The following HNRNPH3 variants were observed in gnomAD, a reference collection of about 807,000 sequenced individuals.
HNRNPH3 encodes heterogeneous nuclear ribonucleoprotein H3, also known as heterogeneous nuclear ribonucleoprotein 2H9.
In HNRNPH3, 7 loss-of-function variants were observed where a neutral mutation model predicts 47.0. That is an observed-to-expected ratio of 0.15 (90% CI 0.08 to 0.28). The LOEUF (loss-of-function observed/expected upper bound fraction) is 0.28, where lower values mean the gene tolerates loss of function less well. HNRNPH3 is among the 10% of genes least tolerant of loss of function. HNRNPH3 has a pLI of 1.00. For synonymous variants in HNRNPH3, 120 were observed against 143.2 expected (o/e 0.84, Z 1.16); for missense variants, 279 against 449.6 (o/e 0.62, Z 3.43).
upstream of HNRNPH3, chr10:68,331,873 T>C (rs995753295): frequency 6.6e-6 from 1 of 152,298 alleles, no homozygotes; most frequent in Non-Finnish European, 1.5e-5. Flanking sequence ...TGCAGCTCTT[T>C]AACTGGAACA....
chr10:68,340,121 A>G (rs542775508), intron 6 of HNRNPH3, among the ~76,000 whole-genome samples: 6 of 151,362 alleles, frequency 4.0e-5, no homozygotes, highest in South Asian at 2.1e-4. Context: ...TGCAACCTCC[A>G]CCTCCCGGGT....
chr10:68,341,460 G>C lies in HNRNPH3; in HGVS notation c.776-125G>C. Reference sequence around the variant, plus strand: ...CTTTCTGTGGGCTTTATATATCGCTGTACTAGTAATTAATAAGCATACTTT... The same window carrying C: ...CTTTCTGTGGGCTTTATATATCGCTCTACTAGTAATTAATAAGCATACTTT... On this transcript the variant is annotated intron_variant, in intron 7 of 9. Transcript: ENST00000265866. The C allele has an allele frequency of 4.0e-6, 4 of 992,222 alleles. No homozygotes were observed. The South Asian group carries it at 6.0e-5, about 15-fold the overall frequency. 61.5% of individuals were successfully genotyped at this position (992,222 alleles called of 1,614,324 possible).
In HNRNPH3 at chr10:68,337,742, GC is replaced by G; in HGVS notation, c.113-115del. 2.1e-6 allele frequency: 1 copy of G among 483,286 alleles called. No individual in the cohort carries two copies. Among genetic ancestry groups the G allele is most frequent in the South Asian group, 3.5e-5 (1 of 28,842 alleles). The allele number at this position is 483,286 out of a possible 1,614,324, so 29.9% of individuals were successfully genotyped here. On this transcript the variant is annotated intron_variant, in intron 2 of 9. Transcript: ENST00000265866. This position sits in a 1 kb window ranked among gnomAD's most constrained non-coding sequence, Gnocchi z 4.5. ...GTATTATGGGGTGATGGGAAACTAAGCTTTTTTGTTTTGTTTTGTTTTGTTT... is the reference window on the plus strand; with the variant it reads ...GTATTATGGGGTGATGGGAAACTAAGTTTTTTGTTTTGTTTTGTTTTGTTT...
chr10:68,339,068 T>G, intron 4 of HNRNPH3, 72 bp from the exon 5 acceptor site: 5 of 1,242,290 alleles, frequency 4.0e-6, no homozygotes, highest in Non-Finnish European at 5.7e-6. Flanking sequence ...CCACAAAATG[T>G]TTTTGTAAAC....
Position 68,343,062 on chromosome 10 carries a change from T to TTG in HNRNPH3, c.*1009_*1010dup, listed in dbSNP as rs2046059091. On this transcript the variant is annotated 3_prime_UTR_variant, in exon 10 of 10. Transcript: ENST00000265866. ...AAGGTGCTTTTTAATTTTAATCCCT[T>TTG]TGATCAATATGGCTTTTTTCCAAAT... 1 of 152,216 alleles carries TTG rather than the reference T, an allele frequency of 6.6e-6. No homozygotes were observed. Among genetic ancestry groups the TTG allele is most frequent in the Non-Finnish European group, 1.5e-5 (1 of 68,026 alleles). The allele number at this position is 152,216 out of a possible 1,614,324, so 9.4% of individuals were successfully genotyped here.
At chr10:68,332,572 A>G (rs1464873258) in intron 1 of HNRNPH3, among the ~76,000 whole-genome samples, 1 of 151,800 alleles carries the variant, frequency 6.6e-6, no homozygotes, top group Non-Finnish European at 1.5e-5. Flanking sequence ...TTTGTTCCCC[A>G]GCTTCCGAAA....
Position 68,337,293 on chromosome 10 carries a change from A to G in HNRNPH3, c.72A>G (p.Pro24=). 1.9e-6 allele frequency: 3 copies of G among 1,613,222 alleles called. No homozygotes were observed. Among genetic ancestry groups the G allele is most frequent in the Non-Finnish European group, 2.5e-6 (3 of 1,179,154 alleles). The change falls in exon 2 of 10, where the codon CCA becomes CCG. Residue 24 remains proline (P), a synonymous_variant. Coordinates refer to ENST00000265866, the MANE Select transcript of HNRNPH3 (RefSeq NM_012207.3). This position sits in a 1 kb window ranked among gnomAD's most constrained non-coding sequence, Gnocchi z 4.5. The stretch of plus-strand genomic sequence containing the variant: ...GGACAGTACGACTTCGTGGACTACC[A>G]TTTGGTTGCAGCAAAGAGGAAATAG... ...SDGTVRLRGL[P]FGCSKEEIVQ...
rs773449973 is a variant in HNRNPH3, at chr10:68,339,505, G to A, written c.589G>A (p.Val197Ile). The A allele has an allele frequency of 4.0e-5, 65 of 1,613,812 alleles. No individual in the cohort carries two copies. Among genetic ancestry groups the A allele is most frequent in the Non-Finnish European group, 5.1e-5 (60 of 1,179,926 alleles). The stretch of plus-strand genomic sequence containing the variant: ...TTCAGGTTTTCATGGTGGTCATTTC[G>A]TACATATGAGAGGGTTGCCTTTTCG... ...ASSGFHGGHFVHMRGLPFRAT... is the reference protein window; with the variant it reads ...ASSGFHGGHFIHMRGLPFRAT... Residue 197 changes from valine to isoleucine, a missense_variant, in exon 6 of 10, where the codon GTA (valine) becomes ATA (isoleucine). Val to Ile is a conservative substitution (Grantham distance 29). This residue lies in a region of HNRNPH3 where 239 missense variants were observed against 335.8 expected (regional missense o/e 0.71). Transcript: ENST00000265866.
upstream of HNRNPH3, chr10:68,331,752 C>A (rs748404688): frequency 6.6e-6 from 1 of 152,372 alleles, no homozygotes; most frequent in South Asian, 2.1e-4. Flanking sequence ...CGCTACGGCA[C>A]GGTTCCTTCT....
Position 68,332,151 on chromosome 10 carries a change from C to G in HNRNPH3, c.-89C>G, listed in dbSNP as rs895849659. ...TGTGGCGAGCGCTACACGAGGCAAACGACTTCTCCCTTCTTTGAACTGGAC... is the reference window on the plus strand; with the variant it reads ...TGTGGCGAGCGCTACACGAGGCAAAGGACTTCTCCCTTCTTTGAACTGGAC... On this transcript the variant is annotated 5_prime_UTR_variant, in exon 1 of 10. Coordinates refer to ENST00000265866, the MANE Select transcript of HNRNPH3 (RefSeq NM_012207.3). 2.0e-5 allele frequency: 3 copies of G among 152,280 alleles called. No individual in the cohort carries two copies. The highest frequency in any genetic ancestry group is 4.4e-5 in the Non-Finnish European group (3 of 68,080). The allele number at this position is 152,280 out of a possible 1,614,324, so 9.4% of individuals were successfully genotyped here. A position where few individuals can be genotyped will look rare whatever the true frequency, so the allele number is the denominator to read the frequency against.
At chr10:68,335,205 T>C (rs576946527) in intron 1 of HNRNPH3, among the ~76,000 whole-genome samples, 1 of 151,800 alleles carries the variant, frequency 6.6e-6, no homozygotes, top group Non-Finnish European at 1.5e-5. Flanking sequence ...TGCTAAGATT[T>C]ATGGGTAAAT....
chr10:68,338,407 A>T (rs2045647718), intron 3 of HNRNPH3, 96 bp from the exon 4 acceptor site: 2 of 651,166 alleles, frequency 3.1e-6, no homozygotes, highest in Non-Finnish European at 2.6e-6. Flanking sequence ...TGGGTTATGT[A>T]TCTAGATATA....
chr10:68,339,903 A>G (rs1283359957), intron 6 of HNRNPH3, among the ~76,000 whole-genome samples: 2 of 152,128 alleles, frequency 1.3e-5, no homozygotes, highest in African/African-American at 2.4e-5. Flanking sequence ...TTGTGTGTCA[A>G]CCTACATAGG....
At chr10:68,340,244 A>G (rs1465964606) in intron 6 of HNRNPH3, among the ~76,000 whole-genome samples, 1 of 152,034 alleles carries the variant, frequency 6.6e-6, no homozygotes, top group Admixed American at 6.6e-5. Context: ...CACCATGTTG[A>G]TCGGGCTGGT....
chr10:68,337,016 C>A lies in HNRNPH3; in HGVS notation c.-23-183C>A. On this transcript the variant is annotated intron_variant, in intron 1 of 9. Transcript: ENST00000265866. This position sits in a 1 kb window ranked among gnomAD's most constrained non-coding sequence, Gnocchi z 4.5. ...ACTTTTCCGTAGGAGGGGGTCAGGT[C>A]TCATTGCCTTTTCCGTACCCCAAAA... 1 of 481,382 alleles carries A rather than the reference C, an allele frequency of 2.1e-6. No homozygotes were observed. The highest frequency in any genetic ancestry group is 3.7e-6 in the Non-Finnish European group (1 of 271,478). 29.8% of individuals were successfully genotyped at this position (481,382 alleles called of 1,614,324 possible). A position where few individuals can be genotyped will look rare whatever the true frequency, so the allele number is the denominator to read the frequency against.
At position 68,332,090 on chromosome 10, in the gene HNRNPH3, GCGGTTGTCACCGCTGGAGA is replaced by G. The variant is rs1032792704; in HGVS notation, c.-143_-125del. The stretch of plus-strand genomic sequence containing the variant: ...GTAGCTGTGCTGCGCAGCTCCCTAA[GCGGTTGTCACCGCTGGAGA>G]CGGTTGGGAGAACCGTTGTGGCGAG... On this transcript the variant is annotated 5_prime_UTR_variant, in exon 1 of 10. Coordinates refer to ENST00000265866, the MANE Select transcript of HNRNPH3 (RefSeq NM_012207.3). 2 of 152,366 alleles carry G rather than the reference GCGGTTGTCACCGCTGGAGA, an allele frequency of 1.3e-5. No homozygotes were observed. The highest frequency in any genetic ancestry group is 2.9e-5 in the Non-Finnish European group (2 of 68,144). The allele number at this position is 152,366 out of a possible 1,614,324, so 9.4% of individuals were successfully genotyped here.
chr10:68,341,479 A>G, intron 7 of HNRNPH3, 106 bp from the exon 8 acceptor site: 1 of 1,010,402 alleles, frequency 9.9e-7, no homozygotes, highest in South Asian at 1.5e-5. Flanking sequence ...ATTAATAAGC[A>G]TACTTTGTTT....
At chr10:68,331,927 C>G (rs939844243), upstream of HNRNPH3, 3 of 152,328 alleles carry the variant, frequency 2.0e-5, no homozygotes, top group Non-Finnish European at 4.4e-5. Context: ...GCGCAACCCA[C>G]CACCGCGCAG....
Position 68,342,126 on chromosome 10 carries a change from C to A in HNRNPH3, c.*72C>A. 2 of 1,086,218 alleles carry A rather than the reference C, an allele frequency of 1.8e-6. No individual in the cohort carries two copies. Among genetic ancestry groups the A allele is most frequent in the South Asian group, 1.7e-5 (1 of 59,046 alleles). 67.3% of individuals were successfully genotyped at this position (1,086,218 alleles called of 1,614,324 possible). The stretch of plus-strand genomic sequence containing the variant: ...CTAGACTTTCTTACAGATTTAATTT[C>A]TTTTGTATTTTAAGAACTTTATAAT... On this transcript the variant is annotated 3_prime_UTR_variant, in exon 10 of 10. Coordinates refer to ENST00000265866, the MANE Select transcript of HNRNPH3 (RefSeq NM_012207.3).
Sources: gnomAD v4.1 joint callset for allele counts (sites outside exome capture counted in the v4.1 genomes callset) on GRCh38, gnomAD v4.1.1 for gene constraint, gnomAD v4.1.1 regional missense constraint, Gnocchi (gnomAD v3.1) non-coding constraint, MANE v1.5 for transcripts, NCBI Gene and HGNC (gene_info 2026-07-23, HGNC 2026-07-21) for gene names.